Variants in PPP3CB observed in about 807,000 individuals in gnomAD.
PPP3CB encodes serine/threonine-protein phosphatase 2B catalytic subunit beta isoform.
PPP3CB carries 8 observed loss-of-function variants against 66.4 expected under a neutral mutation model. That is an observed-to-expected ratio of 0.12 (90% CI 0.07 to 0.22). PPP3CB has a LOEUF of 0.22. PPP3CB is among the 10% of genes least tolerant of loss of function. The pLI is 1.00. For missense variants in PPP3CB, 319 were observed against 642.5 expected (o/e 0.50, Z 5.44); for synonymous variants, 208 against 221.2 (o/e 0.94, Z 0.53).
intron 12 of PPP3CB, among the ~76,000 whole-genome samples, chr10:73,442,969 G>T (rs1416675357): frequency 6.6e-6 from 1 of 151,444 alleles, no homozygotes; most frequent in African/African-American, 2.4e-5. Context: ...GAGGTCAGAA[G>T]ATTGCTTGAG....
chr10:73,457,085 T>C (rs1265399389), intron 9 of PPP3CB, among the ~76,000 whole-genome samples: 1 of 151,532 alleles, frequency 6.6e-6, no homozygotes, highest in African/African-American at 2.4e-5. Context: ...CACAATAAAA[T>C]GTATTTTTTT....
intron 1 of PPP3CB, among the ~76,000 whole-genome samples, chr10:73,494,286 G>A (rs907771614): frequency 4.6e-5 from 7 of 151,232 alleles, no homozygotes; most frequent in African/African-American, 1.5e-4. Context: ...TTTTGTTTTT[G>A]TTTTTGTTTT....
intron 9 of PPP3CB, among the ~76,000 whole-genome samples, chr10:73,457,737 C>CAA (rs200840556): frequency 4.9e-4 from 43 of 87,836 alleles, no homozygotes; most frequent in South Asian, 3.3e-3. Context: ...GACCCTGTCT[C>CAA]AAAAAAAAAA....
At position 73,438,691 on chromosome 10, in the gene PPP3CB, GCC is replaced by G. The variant is rs1043721455; in HGVS notation, c.1397-273_1397-272del. On this transcript the variant is annotated intron_variant, in intron 13 of 13. Coordinates refer to ENST00000360663, the MANE Select transcript of PPP3CB (RefSeq NM_021132.4). The stretch of plus-strand genomic sequence containing the variant: ...ACAAAAAAAATGTTAACCCTCTCCT[GCC>G]CCCAAAATCAACCTCCAGGCAATGG... Among the ~76,000 whole-genome samples the G allele has an allele frequency of 5.3e-5, 8 of 152,066 alleles. No individual in the cohort carries two copies. The East Asian group carries it at 1.5e-3, about 29-fold the overall frequency.
At chr10:73,453,611 T>G (rs1386988999) in intron 10 of PPP3CB, among the ~76,000 whole-genome samples, 2 of 152,144 alleles carry the variant, frequency 1.3e-5, no homozygotes, top group African/African-American at 4.8e-5. Context: ...CTATTAAATC[T>G]TACCAATATA....
At chr10:73,456,852 A>G (rs2056435594) in intron 9 of PPP3CB, among the ~76,000 whole-genome samples, 1 of 152,172 alleles carries the variant, frequency 6.6e-6, no homozygotes, top group African/African-American at 2.4e-5. Flanking sequence ...AAAATTAAAA[A>G]ACTTTTTGAA....
At chr10:73,490,811 G>C (rs1027210052) in intron 1 of PPP3CB, among the ~76,000 whole-genome samples, 2 of 151,720 alleles carry the variant, frequency 1.3e-5, no homozygotes, top group African/African-American at 4.8e-5. Context: ...TAGGACACAT[G>C]GTACTGAAGA....
chr10:73,445,764 T>TC (rs375968362), intron 11 of PPP3CB, among the ~76,000 whole-genome samples: 6,088 of 147,862 alleles, frequency 0.041, 402 homozygotes, highest in African/African-American at 0.14. Flanking sequence ...TTTTTTTTTT[T>TC]CTGAGACAGA....
Position 73,449,030 on chromosome 10 carries a change from C to T in PPP3CB, c.1187-2457G>A, listed in dbSNP as rs373448118. Among the ~76,000 whole-genome samples, 194 of 152,278 alleles carry T rather than the reference C, an allele frequency of 1.3e-3. 6 individuals carry two copies. The South Asian group carries it at 0.039, about 30-fold the overall frequency. ...AACACATAAGACTGAAAAAAGACTGCTAACAAATATTGCACATTTATAGTC... is the reference window on the plus strand; with the variant it reads ...AACACATAAGACTGAAAAAAGACTGTTAACAAATATTGCACATTTATAGTC... On this transcript the variant is annotated intron_variant, in intron 10 of 13. Transcript: ENST00000360663.
Position 73,495,691 on chromosome 10 carries a change from A to T in PPP3CB, c.85+114T>A, listed in dbSNP as rs936733033. ...CCAGGGGCCACTCCCCAAGGGAGGC[A>T]GCCAGTCACTCGCCCGCCCTTCCGG... is the stretch of plus-strand genomic sequence containing the variant. On this transcript the variant is annotated intron_variant, in intron 1 of 13. Transcript: ENST00000360663. 3 of 1,425,154 alleles carry T rather than the reference A, an allele frequency of 2.1e-6. No individual in the cohort carries two copies. The African/African-American group carries it at 4.5e-5, about 21-fold the overall frequency. 88.3% of individuals were successfully genotyped at this position (1,425,154 alleles called of 1,614,324 possible).
chr10:73,469,137 A>G (rs904013432), intron 8 of PPP3CB, among the ~76,000 whole-genome samples: 1 of 152,232 alleles, frequency 6.6e-6, no homozygotes, highest in Non-Finnish European at 1.5e-5. Context: ...GTAAGGCAGT[A>G]CTCAACTGGA....
intron 10 of PPP3CB, among the ~76,000 whole-genome samples, chr10:73,448,847 T>C (rs991369370): frequency 6.6e-6 from 1 of 152,156 alleles, no homozygotes; most frequent in African/African-American, 2.4e-5. Context: ...TTGAAAAATG[T>C]AGTACTGTAG....
chr10:73,490,571 C>T (rs1017920761), intron 1 of PPP3CB, among the ~76,000 whole-genome samples: 1 of 152,148 alleles, frequency 6.6e-6, no homozygotes, highest in Non-Finnish European at 1.5e-5. Context: ...ATGATTGGCA[C>T]GCTTTGTTTA....
chr10:73,495,738 C>T, intron 1 of PPP3CB, 67 bp downstream of exon 1: 1 of 1,526,200 alleles, frequency 6.6e-7, no homozygotes, highest in Admixed American at 1.9e-5. Flanking sequence ...AGGGGACGGT[C>T]TCCCGCCCGC....
rs1378010296 is a variant in PPP3CB, at chr10:73,471,291, T to C, written c.670-82A>G. The C allele has an allele frequency of 5.7e-6, 8 of 1,409,444 alleles. No homozygotes were observed. The East Asian group carries it at 1.4e-4, about 24-fold the overall frequency. 87.3% of individuals were successfully genotyped at this position (1,409,444 alleles called of 1,614,324 possible). On this transcript the variant is annotated intron_variant, in intron 5 of 13. Transcript: ENST00000360663. ...TGTGCATAGGAAAACGATACCAACT[T>C]TGAATACAGTTCATACTATATTATT... is the stretch of plus-strand genomic sequence containing the variant.
At chr10:73,469,741 C>T (rs1419137824) in intron 8 of PPP3CB, among the ~76,000 whole-genome samples, 1 of 152,190 alleles carries the variant, frequency 6.6e-6, no homozygotes, top group Non-Finnish European at 1.5e-5. Context: ...CTCTGTTCCT[C>T]TTTTGAACTT....
intron 10 of PPP3CB, among the ~76,000 whole-genome samples, chr10:73,451,529 C>G (rs1216871345): frequency 6.6e-6 from 1 of 151,734 alleles, no homozygotes; most frequent in Non-Finnish European, 1.5e-5. Context: ...AGCAAGAGTT[C>G]TTGGTCTTAG....
chr10:73,471,635 T>G, intron 4 of PPP3CB, 22 bp from the exon 5 acceptor site: 2 of 1,545,146 alleles, frequency 1.3e-6, no homozygotes, highest in Non-Finnish European at 1.8e-6. Flanking sequence ...AAAAACTAAT[T>G]GAAAATTACA....
intron 8 of PPP3CB, among the ~76,000 whole-genome samples, 169 bp downstream of exon 8, chr10:73,470,518 T>C (rs979212676): frequency 6.6e-5 from 10 of 152,206 alleles, no homozygotes; most frequent in African/African-American, 2.4e-4. Context: ...TATTACTTAG[T>C]TTCACATTTT....
Sources: allele counts gnomAD v4.1 joint callset (sites outside exome capture counted in the v4.1 genomes callset), GRCh38; gene constraint gnomAD v4.1.1; transcripts MANE v1.5; gene names NCBI Gene and HGNC (gene_info 2026-07-23, HGNC 2026-07-21).